ZNF322: variants seen among roughly 807,000 people sequenced by gnomAD.
ZNF322 encodes the protein zinc finger protein 322, also known as HLA complex group 12.
In ZNF322, 1 loss-of-function variant was observed where a neutral mutation model predicts 18.3. That is an observed-to-expected ratio of 0.05 (90% CI 0.02 to 0.26). The LOEUF is 0.26. Among genes scored for constraint, ZNF322 ranks in the 10% least tolerant of loss-of-function variants. The pLI is 1.00. For missense variants in ZNF322, 36 were observed against 403.6 expected (o/e 0.09, Z 7.80); for synonymous variants, 17 against 130.7 (o/e 0.13, Z 5.93).
intron 2 of ZNF322, among the ~76,000 whole-genome samples, chr6:26,657,882 G>A (rs1016262045): frequency 1.3e-5 from 2 of 151,962 alleles, no homozygotes; most frequent in Non-Finnish European, 2.9e-5. Context: ...CCTAGGAAGA[G>A]ACTAGTACTC....
chr6:26,649,379 T>C (rs1765611690), intron 2 of ZNF322, among the ~76,000 whole-genome samples: 1 of 152,046 alleles, frequency 6.6e-6, no homozygotes, highest in Non-Finnish European at 1.5e-5. Flanking sequence ...AATGGACTTT[T>C]TAATAAATGA....
intron 2 of ZNF322, among the ~76,000 whole-genome samples, chr6:26,650,909 A>C (rs1206206060): frequency 1.3e-5 from 2 of 152,220 alleles, no homozygotes; most frequent in Non-Finnish European, 2.9e-5. Context: ...TATCTTGTGA[A>C]TATTGACATA....
At chr6:26,649,675 GTATATA>G (rs71544293) in intron 2 of ZNF322, among the ~76,000 whole-genome samples, 2 of 22,952 alleles carry the variant, frequency 8.7e-5, no homozygotes, top group African/African-American at 4.3e-4. Context: ...GTGTGTGTGT[GTATATA>G]TATATATATA....
At chr6:26,651,199 AAGAC>A (rs782000158) in intron 2 of ZNF322, among the ~76,000 whole-genome samples, 9 of 152,162 alleles carry the variant, frequency 5.9e-5, no homozygotes, top group Non-Finnish European at 8.8e-5. Context: ...AAGGCAGAAA[AAGAC>A]AGTCTTTTCA....
At chr6:26,639,497 T>C (rs1765429625) in intron 3 of ZNF322, among the ~76,000 whole-genome samples, 1 of 152,100 alleles carries the variant, frequency 6.6e-6, no homozygotes, top group Admixed American at 6.6e-5. Context: ...AAAAAAAGTT[T>C]TTTCCTCCTC....
At chr6:26,643,465 T>C (rs1554148469) in intron 3 of ZNF322, among the ~76,000 whole-genome samples, 194 bp downstream of exon 3, 2 of 152,248 alleles carry the variant, frequency 1.3e-5, no homozygotes, top group East Asian at 1.9e-4. Flanking sequence ...CCTTACCATA[T>C]ACAGTAATGC....
In ZNF322 at chr6:26,659,707, A is replaced by T. The variant is rs1281244450; in HGVS notation, c.-601T>A. The T allele has an allele frequency of 6.4e-6, 1 of 156,310 alleles. No homozygotes were observed. The highest frequency in any genetic ancestry group is 2.1e-4 in the South Asian group (1 of 4,844). 9.7% of individuals were successfully genotyped at this position (156,310 alleles called of 1,614,324 possible). A position where few individuals can be genotyped will look rare whatever the true frequency, so the allele number is the denominator to read the frequency against. ...AAGGGCCCACAAGGCCGGCTACGCA[A>T]ACCCTTTCAAGCTGGCTGGGAAGAG... On this transcript the variant is annotated 5_prime_UTR_variant, in exon 1 of 4. In the 5' UTR this introduces an upstream ATG that the reference lacks. Coordinates refer to ENST00000415922, the MANE Select transcript of ZNF322 (RefSeq NM_024639.5).
At chr6:26,657,601 G>A (rs1413472831) in intron 2 of ZNF322, among the ~76,000 whole-genome samples, 13 of 151,908 alleles carry the variant, frequency 8.6e-5, no homozygotes, top group Admixed American at 8.5e-4. Context: ...ATATTTATTC[G>A]TTTGTCTTTT....
At position 26,634,835 on chromosome 6, in the gene ZNF322, A is replaced by C. The variant is rs1765326858; in HGVS notation, c.*2510T>G. 1 of 36,692 alleles carries C rather than the reference A, an allele frequency of 2.7e-5. No homozygotes were observed. Among genetic ancestry groups the C allele is most frequent in the African/African-American group, 1.2e-4 (1 of 8,506 alleles). 2.3% of individuals were successfully genotyped at this position (36,692 alleles called of 1,614,324 possible). ...TTGACCCCTTCTCCATGTTCTCTCTAATGACTAACAAGTAGCCGTAAGGAC... is the reference window on the plus strand; with the variant it reads ...TTGACCCCTTCTCCATGTTCTCTCTCATGACTAACAAGTAGCCGTAAGGAC... On this transcript the variant is annotated 3_prime_UTR_variant, in exon 4 of 4. Coordinates refer to ENST00000415922, the MANE Select transcript of ZNF322 (RefSeq NM_024639.5).
intron 1 of ZNF322, chr6:26,658,879 T>G (rs1716229834): frequency 6.6e-6 from 1 of 152,230 alleles, no homozygotes; most frequent in Admixed American, 6.5e-5. Context: ...AATCTTTCTA[T>G]TACTAACTGT....
intron 2 of ZNF322, among the ~76,000 whole-genome samples, chr6:26,652,313 CA>C (rs200045090): frequency 0.011 from 1,667 of 152,158 alleles, 29 homozygotes; most frequent in African/African-American, 0.036. Context: ...ACTGTTATTC[CA>C]AACATTTAAA....
chr6:26,659,252 A>C (rs1323166798), intron 1 of ZNF322, among the ~76,000 whole-genome samples, 189 bp downstream of exon 1: 1 of 152,222 alleles, frequency 6.6e-6, no homozygotes, highest in African/African-American at 2.4e-5. Context: ...TATCTCTAGG[A>C]ACTACCGTAC....
At chr6:26,657,250 CAAA>C (rs113013082) in intron 2 of ZNF322, among the ~76,000 whole-genome samples, 1 of 127,990 alleles carries the variant, frequency 7.8e-6, no homozygotes, top group African/African-American at 2.9e-5. Context: ...GACTCCATCT[CAAA>C]AAAAAAAAAA....
intron 2 of ZNF322, among the ~76,000 whole-genome samples, chr6:26,653,671 G>A (rs1554149443): frequency 6.6e-6 from 1 of 152,018 alleles, no homozygotes; most frequent in Admixed American, 6.6e-5. Context: ...AATTATATAT[G>A]TAGTTCTCCA....
intron 2 of ZNF322, among the ~76,000 whole-genome samples, chr6:26,656,879 A>T (rs528080810): frequency 2.0e-5 from 3 of 152,294 alleles, no homozygotes; most frequent in Admixed American, 6.5e-5. Flanking sequence ...TAAATAAGGA[A>T]ATAATTTTCC....
At chr6:26,643,903 T>G (rs1360749327) in intron 2 of ZNF322, among the ~76,000 whole-genome samples, 175 bp from the exon 3 acceptor site, 1 of 152,204 alleles carries the variant, frequency 6.6e-6, no homozygotes, top group East Asian at 1.9e-4. Flanking sequence ...CATATGACTC[T>G]TTAGAGAAAA....
intron 2 of ZNF322, among the ~76,000 whole-genome samples, chr6:26,646,810 T>C (rs1215603626): frequency 6.6e-6 from 1 of 151,972 alleles, no homozygotes; most frequent in Admixed American, 6.6e-5. Context: ...CAAGAAACAA[T>C]CTGCAACAAA....
At chr6:26,648,965 T>C (rs943760922) in intron 2 of ZNF322, among the ~76,000 whole-genome samples, 2 of 151,806 alleles carry the variant, frequency 1.3e-5, no homozygotes, top group African/African-American at 2.4e-5. Context: ...CTGCCACCTG[T>C]TTTTTTCAAA....
chr6:26,644,933 A>G (rs1765530017), intron 2 of ZNF322, among the ~76,000 whole-genome samples: 1 of 152,136 alleles, frequency 6.6e-6, no homozygotes, highest in African/African-American at 2.4e-5. Context: ...TAAGCCCACC[A>G]TGCATTAGCT....
Sources: gnomAD v4.1 joint callset for allele counts (sites outside exome capture counted in the v4.1 genomes callset) on GRCh38, gnomAD v4.1.1 for gene constraint, MANE v1.5 for transcripts, NCBI Gene and HGNC (gene_info 2026-07-23, HGNC 2026-07-21) for gene names.